FAT1: variants seen among roughly 807,000 people sequenced by gnomAD.
The protein encoded by FAT1 is protocadherin Fat 1.
Under a neutral mutation model 329.8 loss-of-function variants are expected in FAT1, and 171 were observed. The ratio of observed to expected loss-of-function variants is 0.52; its 90% confidence interval spans 0.46 to 0.59. The LOEUF is 0.59. FAT1 is among the 20% of genes least tolerant of loss of function. The pLI is 0.00. For synonymous variants in FAT1, 2,233 were observed against 2,228.6 expected, an observed-to-expected ratio of 1.00 and a Z score of -0.06; for missense variants, 5,672 against 5,774.4, an observed-to-expected ratio of 0.98 and a Z score of 0.57.
intron 1 of FAT1, among the ~76,000 whole-genome samples, chr4:186,717,057 G>A (rs765815069): frequency 2.3e-4 from 35 of 152,008 alleles, no homozygotes; most frequent in Non-Finnish European, 3.8e-4. Context: ...ATGAGCCACC[G>A]CACCCAGCGT....
intron 21 of FAT1, 89 bp downstream of exon 21, chr4:186,601,180 T>C (rs1738797178): frequency 5.0e-6 from 6 of 1,190,520 alleles, no homozygotes; most frequent in Non-Finnish European, 7.0e-6. Context: ...ACTTACTTTA[T>C]TATCTGTGCA....
intron 17 of FAT1, among the ~76,000 whole-genome samples, chr4:186,605,047 C>A (rs149328468): frequency 6.6e-6 from 1 of 151,684 alleles, no homozygotes; most frequent in African/African-American, 2.4e-5. Context: ...GGTGAAACCC[C>A]GTCTCTACTA....
chr4:186,679,278 G>A (rs947016031), intron 2 of FAT1, among the ~76,000 whole-genome samples: 84 of 151,968 alleles, frequency 5.5e-4, no homozygotes, highest in African/African-American at 1.9e-3. Flanking sequence ...TTACCCGGGC[G>A]TGGTGGCGGG....
rs1196972484 is a variant in FAT1, at chr4:186,706,971, C to T, written c.2857G>A (p.Asp953Asn). ...GTVIMWLEAHDPDLGQSGQVR... is the reference protein window; with the variant it reads ...GTVIMWLEAHNPDLGQSGQVR... ...TGACCAGACTGACCTAAATCAGGATCGTGGGCTTCTAACCACATGATGACG... is the reference window on the plus strand; with the variant it reads ...TGACCAGACTGACCTAAATCAGGATTGTGGGCTTCTAACCACATGATGACG... Residue 953 changes from aspartate to asparagine, a missense_variant, in exon 2 of 27, where the codon GAT becomes AAT. Physicochemically the swap from Asp to Asn is conservative, Grantham distance 23 (BLOSUM62 1). This residue lies in a region of FAT1 where 3,966 missense variants were observed against 3,915.2 expected (regional missense o/e 1.01). Transcript: ENST00000441802. 1.9e-6 allele frequency: 3 copies of T among 1,614,018 alleles called. No individual in the cohort carries two copies. The highest frequency in any genetic ancestry group is 2.5e-6 in the Non-Finnish European group (3 of 1,179,896).
At chr4:186,711,103 T>C (rs1030365498) in intron 1 of FAT1, among the ~76,000 whole-genome samples, 2 of 152,190 alleles carry the variant, frequency 1.3e-5, no homozygotes, top group African/African-American at 4.8e-5. Flanking sequence ...CAGAGGTAAA[T>C]GAAGAGCAAA....
At chr4:186,681,587 G>T (rs2126645492) in intron 2 of FAT1, among the ~76,000 whole-genome samples, 1 of 152,304 alleles carries the variant, frequency 6.6e-6, no homozygotes, top group Non-Finnish European at 1.5e-5. Flanking sequence ...GCTCTAAAGT[G>T]AAATACACAC....
At position 186,609,194 on chromosome 4, in the gene FAT1, C is replaced by A; in HGVS notation, c.10195G>T (p.Asp3399Tyr). 1 of 1,612,006 alleles carries A rather than the reference C, an allele frequency of 6.2e-7. No homozygotes were observed. The highest frequency in any genetic ancestry group is 1.1e-5 in the South Asian group (1 of 90,878). The part of the protein sequence containing the change: ...RGEVKVTKLL[D>Y]RETISGYTLT... ...CCTTTTTCACTTACCGTTTCTCGGT[C>A]GAGAAGTTTGGTCACTTTGACTTCT... Residue 3399 changes from aspartate to tyrosine, a missense_variant, in exon 16 of 27, where the codon GAC becomes TAC. Around this residue, in one of 2 missense-constraint regions of FAT1, gnomAD observed 1,706 missense variants for 1,859.1 expected, o/e 0.92. Transcript: ENST00000441802.
intron 17 of FAT1, among the ~76,000 whole-genome samples, chr4:186,604,949 T>C (rs1277316286): frequency 6.6e-6 from 1 of 151,588 alleles, no homozygotes; most frequent in Admixed American, 6.6e-5. Context: ...CCAGGCGCGG[T>C]GGCTCACGCC....
At chr4:186,609,486 G>A (rs1042778157) in intron 15 of FAT1, among the ~76,000 whole-genome samples, 166 bp from the exon 16 acceptor site, 11 of 151,934 alleles carry the variant, frequency 7.2e-5, no homozygotes, top group African/African-American at 2.4e-4. Context: ...GCACAATCTC[G>A]GCTCACTGCA....
intron 2 of FAT1, among the ~76,000 whole-genome samples, chr4:186,667,871 A>G (rs536913173): frequency 6.0e-4 from 91 of 152,322 alleles, no homozygotes; most frequent in Non-Finnish European, 1.0e-3. Context: ...TGAGCCGGAC[A>G]GTCTGACTCC....
chr4:186,634,900 G>A (rs762218495), intron 6 of FAT1, among the ~76,000 whole-genome samples: 1 of 152,230 alleles, frequency 6.6e-6, no homozygotes, highest in African/African-American at 2.4e-5. Flanking sequence ...GTTACACAGC[G>A]AGGTCAGGTA....
intron 7 of FAT1, among the ~76,000 whole-genome samples, chr4:186,631,027 C>A (rs1283495583): frequency 6.6e-6 from 1 of 152,184 alleles, no homozygotes; most frequent in Non-Finnish European, 1.5e-5. Context: ...TTCCGCAGGG[C>A]ACTGGCAGTT....
chr4:186,601,475 A>AT (rs1738817243), intron 20 of FAT1, 49 bp from the exon 21 acceptor site: 9 of 1,557,752 alleles, frequency 5.8e-6, no homozygotes, highest in Non-Finnish European at 7.9e-6. Context: ...GTTTAAGCAT[A>AT]TTTTTTAAAG....
rs1235980656 is a variant in FAT1 at position 186,617,712 on chromosome 4, T to C, written c.8874A>G (p.Ile2958Met). ...EEINRQVTYFITGGDPLGQFA... is the reference protein window; with the variant it reads ...EEINRQVTYFMTGGDPLGQFA... ...TTTGGTATGAATTTTTTTTACCTGT[T>C]ATGAAATATGTAACTTGTCTGTTGA... Residue 2958 changes from isoleucine (I) to methionine (M), a missense_variant, in exon 10 of 27, where the codon ATA becomes ATG. Physicochemically the swap from Ile to Met is conservative, Grantham distance 10. Transcript: ENST00000441802. The C allele has an allele frequency of 6.4e-7, 1 of 1,558,328 alleles. No individual in the cohort carries two copies. The highest frequency in any genetic ancestry group is 2.3e-5 in the East Asian group (1 of 44,392).
In FAT1 at chr4:186,609,934, G is replaced by C. The variant is rs368431115; in HGVS notation, c.9935C>G (p.Thr3312Arg). The change falls in exon 15 of 27, where the codon ACG becomes AGG. Residue 3312 changes from threonine to arginine, a missense_variant. Physicochemically the swap from Thr to Arg is moderately conservative, Grantham distance 71. Transcript: ENST00000441802. ...AGTGGCAACGTCGCTCAGTGAAGGC[G>C]TGCCTCCATCAGTGGCCTCTACTGT... Reference protein sequence around the residue: ...YLTVEATDGGTPSLSDVATVN... With the variant: ...YLTVEATDGGRPSLSDVATVN... The C allele has an allele frequency of 6.2e-7, 1 of 1,612,940 alleles. No individual in the cohort carries two copies. Among genetic ancestry groups the C allele is most frequent in the Non-Finnish European group, 8.5e-7 (1 of 1,178,958 alleles).
chr4:186,604,217 G>A (rs1738980307), intron 18 of FAT1, among the ~76,000 whole-genome samples, 160 bp downstream of exon 18: 1 of 152,130 alleles, frequency 6.6e-6, no homozygotes. Flanking sequence ...TTCAAACACA[G>A]CGGGATAAAA....
At chr4:186,631,362 T>A (rs2126550910) in intron 7 of FAT1, among the ~76,000 whole-genome samples, 1 of 151,718 alleles carries the variant, frequency 6.6e-6, no homozygotes, top group East Asian at 1.9e-4. Context: ...CTTCAATCCA[T>A]CCCCGCGGTA....
chr4:186,680,230 C>T (rs1034127757), intron 2 of FAT1, among the ~76,000 whole-genome samples: 3 of 152,206 alleles, frequency 2.0e-5, no homozygotes, highest in African/African-American at 7.2e-5. Flanking sequence ...TACAACTCAA[C>T]AGACTAACAC....
intron 25 of FAT1, 90 bp from the exon 26 acceptor site, chr4:186,595,916 G>T: frequency 7.7e-7 from 1 of 1,303,052 alleles, no homozygotes; most frequent in Non-Finnish European, 1.1e-6. Context: ...ATTACCCAAC[G>T]ATGGCCTGAG....
Sources: allele counts gnomAD v4.1 joint callset (sites outside exome capture counted in the v4.1 genomes callset), GRCh38; gene constraint gnomAD v4.1.1; regional missense constraint gnomAD v4.1.1; transcripts MANE v1.5; gene names NCBI Gene and HGNC (gene_info 2026-07-23, HGNC 2026-07-21).